NALF1: variants seen among roughly 807,000 people sequenced by gnomAD.
NALF1 encodes the protein NALCN channel auxiliary factor 1.
NALF1 carries 3 observed loss-of-function variants against 48.4 expected under a neutral mutation model. The observed-to-expected ratio is 0.06, with a 90% CI of 0.03 to 0.16. The LOEUF (loss-of-function observed/expected upper bound fraction) is 0.16. NALF1 is among the 10% of genes least tolerant of loss of function. The pLI is 1.00. For synonymous variants in NALF1, 262 were observed against 245.7 expected, an observed-to-expected ratio of 1.07 and a Z score of -0.62; for missense variants, 526 against 571.5, an observed-to-expected ratio of 0.92 and a Z score of 0.81.
At chr13:107,436,119 T>A (rs548497598) in intron 1 of NALF1, among the ~76,000 whole-genome samples, 11 of 152,320 alleles carry the variant, frequency 7.2e-5, no homozygotes, top group African/African-American at 1.9e-4. Context: ...ATTTTGTGCA[T>A]GGATTAATAT....
At chr13:107,269,406 C>T (rs1172912447) in intron 1 of NALF1, among the ~76,000 whole-genome samples, 1 of 151,624 alleles carries the variant, frequency 6.6e-6, no homozygotes, top group African/African-American at 2.4e-5. Context: ...TTTACTATAA[C>T]CAGAAACACC....
chr13:107,367,272 C>T (rs1427034801), intron 1 of NALF1, among the ~76,000 whole-genome samples: 1 of 152,178 alleles, frequency 6.6e-6, no homozygotes, highest in African/African-American at 2.4e-5. Flanking sequence ...GGTTGTAAAG[C>T]AAACCTCTTA....
chr13:107,763,995 G>A (rs1280959130), intron 1 of NALF1, among the ~76,000 whole-genome samples: 1 of 152,070 alleles, frequency 6.6e-6, no homozygotes, highest in Non-Finnish European at 1.5e-5. Flanking sequence ...TGGTCTGAGA[G>A]CCTTTCTACT....
intron 1 of NALF1, among the ~76,000 whole-genome samples, chr13:107,631,748 C>T (rs1271617549): frequency 2.0e-5 from 3 of 152,034 alleles, no homozygotes; most frequent in African/African-American, 7.2e-5. Context: ...CATATGCTTG[C>T]TGAAATCAAA....
At chr13:107,717,731 A>G (rs973386797) in intron 1 of NALF1, among the ~76,000 whole-genome samples, 3 of 152,096 alleles carry the variant, frequency 2.0e-5, no homozygotes, top group Admixed American at 6.5e-5. Flanking sequence ...GTAAGGCAGC[A>G]CCCTCCGTGG....
chr13:107,242,644 G>A (rs12864948), intron 1 of NALF1, among the ~76,000 whole-genome samples: 43,483 of 151,980 alleles, frequency 0.29, 7,138 homozygotes, highest in South Asian at 0.45. Flanking sequence ...AGTGACAGCC[G>A]TCTGCTCATT....
intron 1 of NALF1, among the ~76,000 whole-genome samples, chr13:107,633,312 T>C (rs1400471428): frequency 6.6e-6 from 1 of 152,068 alleles, no homozygotes; most frequent in Non-Finnish European, 1.5e-5. Flanking sequence ...GTCAGAGTAC[T>C]CAAGAACTCA....
In NALF1 at chr13:107,335,811, A is replaced by C. The variant is rs373498589; in HGVS notation, c.916-125056T>G. On this transcript the variant is annotated intron_variant, in intron 1 of 2. Transcript: ENST00000375915. ...TTCTATCCCACGATTCAACTCTAGA[A>C]TATCCTTTACCGTAAGTGGGATATT... 3.6e-4 allele frequency among the ~76,000 whole-genome samples: 55 copies of C among 152,356 alleles called. No individual in the cohort carries two copies. The East Asian group carries it at 7.1e-3, about 20-fold the overall frequency.
At chr13:107,514,114 T>C (rs1692146048) in intron 1 of NALF1, among the ~76,000 whole-genome samples, 1 of 152,216 alleles carries the variant, frequency 6.6e-6, no homozygotes, top group Non-Finnish European at 1.5e-5. Context: ...CTGTTCTCTT[T>C]TGCAAATGCT....
chr13:107,465,226 T>C (rs1304782763), intron 1 of NALF1, among the ~76,000 whole-genome samples: 1 of 151,946 alleles, frequency 6.6e-6, no homozygotes, highest in Non-Finnish European at 1.5e-5. Flanking sequence ...AAATGCTACA[T>C]GGTCCCTTGG....
intron 1 of NALF1, among the ~76,000 whole-genome samples, chr13:107,461,939 C>T (rs1051101953): frequency 2.0e-5 from 3 of 152,136 alleles, no homozygotes; most frequent in African/African-American, 7.2e-5. Flanking sequence ...CAGCCCTTCT[C>T]AATCATCTCA....
intron 1 of NALF1, among the ~76,000 whole-genome samples, chr13:107,499,335 T>C (rs373671161): frequency 5.3e-5 from 8 of 152,124 alleles, no homozygotes; most frequent in Non-Finnish European, 8.8e-5. Flanking sequence ...AAGTTATATA[T>C]ACAATAAAGT....
chr13:107,598,206 T>C (rs1878811528), intron 1 of NALF1, among the ~76,000 whole-genome samples: 1 of 152,174 alleles, frequency 6.6e-6, no homozygotes, highest in Non-Finnish European at 1.5e-5. Context: ...GTCATAGATG[T>C]GTGATTTCCT....
chr13:107,261,908 C>G lies in NALF1; in HGVS notation c.916-51153G>C, dbSNP rs535761223. ...AAATTTCAAGGCACAGGTTTATAGGCATAAGGACTTGTCTCTCCCCGCCTC... is the reference window on the plus strand; with the variant it reads ...AAATTTCAAGGCACAGGTTTATAGGGATAAGGACTTGTCTCTCCCCGCCTC... On this transcript the variant is annotated intron_variant, in intron 1 of 2. Coordinates refer to ENST00000375915, the MANE Select transcript of NALF1 (RefSeq NM_001080396.3). Among the ~76,000 whole-genome samples the G allele has an allele frequency of 2.6e-5, 4 of 152,152 alleles. No individual in the cohort carries two copies. The South Asian group carries it at 8.3e-4, about 32-fold the overall frequency.
chr13:107,798,533 T>A (rs1878503206), intron 1 of NALF1, among the ~76,000 whole-genome samples: 1 of 152,198 alleles, frequency 6.6e-6, no homozygotes, highest in South Asian at 2.1e-4. Flanking sequence ...ATCTTATATA[T>A]CCTTCCTTTA....
At chr13:107,183,042 CTCGGTGGAGAG>C (rs1879099752) in intron 2 of NALF1, among the ~76,000 whole-genome samples, 2 of 152,186 alleles carry the variant, frequency 1.3e-5, no homozygotes, top group Non-Finnish European at 2.9e-5. Flanking sequence ...AGTGCTCCAC[CTCGGTGGAGAG>C]GTGTGATTCA....
chr13:107,554,681 C>T (rs1262631088), intron 1 of NALF1, among the ~76,000 whole-genome samples: 35 of 152,186 alleles, frequency 2.3e-4, no homozygotes, highest in Admixed American at 2.2e-3. Flanking sequence ...TCAGAGTTTG[C>T]AATGTAATCT....
At chr13:107,710,804 T>TAC (rs1331670157) in intron 1 of NALF1, among the ~76,000 whole-genome samples, 2 of 104,094 alleles carry the variant, frequency 1.9e-5, no homozygotes, top group African/African-American at 6.8e-5. Flanking sequence ...TATGTATATA[T>TAC]ACATATATGT....
At chr13:107,778,596 T>G (rs1039977311) in intron 1 of NALF1, among the ~76,000 whole-genome samples, 1 of 151,552 alleles carries the variant, frequency 6.6e-6, no homozygotes, top group Admixed American at 6.6e-5. Flanking sequence ...GTTTTTTTTC[T>G]GTTTTTTTGT....
Sources: allele counts gnomAD v4.1 joint callset (sites outside exome capture counted in the v4.1 genomes callset), GRCh38; gene constraint gnomAD v4.1.1; transcripts MANE v1.5; gene names NCBI Gene and HGNC (gene_info 2026-07-23, HGNC 2026-07-21).